LRRFIP1: variants seen among roughly 807,000 people sequenced by gnomAD.
LRRFIP1 encodes the protein LRR binding FLII interacting protein 1.
In LRRFIP1, 62 loss-of-function variants were observed where a neutral mutation model predicts 104.4. The observed-to-expected ratio is 0.59, with a 90% CI of 0.48 to 0.73. LRRFIP1 has a LOEUF of 0.73. Among genes scored for constraint, LRRFIP1 ranks in the 30% least tolerant of loss-of-function variants. LRRFIP1 has a pLI of 0.00. For missense variants in LRRFIP1, 796 were observed against 824.5 expected (o/e 0.97, Z 0.42); for synonymous variants, 300 against 299.0 (o/e 1.00, Z -0.03).
chr2:237,664,003 G>A (rs1164142448), intron 1 of LRRFIP1, among the ~76,000 whole-genome samples: 2 of 152,180 alleles, frequency 1.3e-5, no homozygotes, highest in Non-Finnish European at 2.9e-5. Flanking sequence ...AGCAGAGGAA[G>A]GGTCGCCCTC....
chr2:237,732,977 G>A (rs138694277), intron 8 of LRRFIP1, among the ~76,000 whole-genome samples: 3 of 152,242 alleles, frequency 2.0e-5, no homozygotes, highest in East Asian at 1.9e-4. Context: ...CAAGGAAGTC[G>A]GTGTCAGAGG....
chr2:237,662,101 G>C (rs2088109252), intron 1 of LRRFIP1, among the ~76,000 whole-genome samples: 1 of 152,186 alleles, frequency 6.6e-6, no homozygotes. Context: ...GCTCTGAGGG[G>C]AAGGTGTTCC....
intron 11 of LRRFIP1, 75 bp downstream of exon 11, chr2:237,739,384 G>T: frequency 7.8e-7 from 1 of 1,278,768 alleles, no homozygotes. Flanking sequence ...CTCTTCCAAC[G>T]TCTCCAAATT....
intron 19 of LRRFIP1, chr2:237,764,039 G>A (rs771277045): frequency 6.2e-7 from 1 of 1,614,198 alleles, no homozygotes; most frequent in South Asian, 1.1e-5. Context: ...TGACTTGTCG[G>A]CACCAGGAAG....
intron 1 of LRRFIP1, among the ~76,000 whole-genome samples, chr2:237,701,647 C>T (rs538349008): frequency 1.2e-4 from 19 of 152,084 alleles, no homozygotes; most frequent in East Asian, 7.7e-4. Context: ...GGGCTCTGAG[C>T]GGGAGGCCCA....
rs1268137933 is a variant in LRRFIP1, at chr2:237,753,446, T to C, written c.1005T>C (p.Ala335=). 1 of 1,596,346 alleles carries C rather than the reference T, an allele frequency of 6.3e-7. No homozygotes were observed. Among genetic ancestry groups the C allele is most frequent in the Non-Finnish European group, 8.5e-7 (1 of 1,176,090 alleles). ...DMLLELEEQL[A]ESRRQYEEKN... ...TGCTGGAGCTTGAAGAACAGCTGGC[T>C]GAATCTAGGCGGCAGTACGAAGAGA... The change falls in exon 15 of 24, where the codon GCT becomes GCC. Residue 335 remains alanine (A), a synonymous_variant. Coordinates refer to ENST00000308482, the MANE Select transcript of LRRFIP1 (RefSeq NM_001137550.2).
intron 1 of LRRFIP1, among the ~76,000 whole-genome samples, chr2:237,650,554 T>C (rs1015107137): frequency 6.6e-6 from 1 of 152,200 alleles, no homozygotes; most frequent in Admixed American, 6.5e-5. Flanking sequence ...CCCTTCACAC[T>C]GACTCCTGTG....
chr2:237,651,325 A>T (rs1203580625), intron 1 of LRRFIP1, among the ~76,000 whole-genome samples: 2 of 152,186 alleles, frequency 1.3e-5, no homozygotes, highest in African/African-American at 4.8e-5. Flanking sequence ...CTGTGTTCTC[A>T]CACAACCACA....
At chr2:237,770,122 G>T (rs1184215939) in intron 20 of LRRFIP1, 130 bp downstream of exon 20, 8 of 699,912 alleles carry the variant, frequency 1.1e-5, no homozygotes, top group Non-Finnish European at 2.0e-5. Flanking sequence ...AAGCCAACTG[G>T]TGTTCTTAAG....
At chr2:237,698,929 A>G (rs2093353299) in intron 1 of LRRFIP1, among the ~76,000 whole-genome samples, 1 of 152,242 alleles carries the variant, frequency 6.6e-6, no homozygotes, top group Non-Finnish European at 1.5e-5. Context: ...CAGCGCACAT[A>G]ATTTCGAGTC....
chr2:237,762,694 A>G lies in LRRFIP1; in HGVS notation c.1459+2489A>G, dbSNP rs200789964. 8.1e-6 allele frequency: 13 copies of G among 1,614,256 alleles called. No homozygotes were observed. The East Asian group carries it at 2.2e-4, about 28-fold the overall frequency. On this transcript the variant is annotated intron_variant, in intron 19 of 23. Transcript: ENST00000308482. Reference sequence around the variant, plus strand: ...ACAATACTGAGAAAGAACAACACACAGAGGACACAGTGAAGGACTGTGTGG... The same window carrying G: ...ACAATACTGAGAAAGAACAACACACGGAGGACACAGTGAAGGACTGTGTGG...
chr2:237,761,485 A>G (rs569444214), intron 19 of LRRFIP1, among the ~76,000 whole-genome samples: 1 of 152,264 alleles, frequency 6.6e-6, no homozygotes, highest in Non-Finnish European at 1.5e-5. Context: ...TCAAATACAC[A>G]TTTTATAAAT....
intron 1 of LRRFIP1, among the ~76,000 whole-genome samples, chr2:237,693,773 G>C (rs2092976659): frequency 6.6e-6 from 1 of 152,174 alleles, no homozygotes; most frequent in Non-Finnish European, 1.5e-5. Flanking sequence ...GAAGGGAAGA[G>C]TAAACATTGA....
intron 11 of LRRFIP1, among the ~76,000 whole-genome samples, chr2:237,745,500 T>C (rs377158542): frequency 6.6e-6 from 1 of 152,104 alleles, no homozygotes; most frequent in African/African-American, 2.4e-5. Context: ...TTTTTGGGGT[T>C]TTTTCCCTTA....
At chr2:237,765,228 A>G (rs2060179610) in intron 19 of LRRFIP1, 1 of 157,766 alleles carries the variant, frequency 6.3e-6, no homozygotes, top group African/African-American at 2.4e-5. Flanking sequence ...AAGCCATTGT[A>G]CTCCAGCCTG....
chr2:237,760,189 A>G lies in LRRFIP1; in HGVS notation c.1443A>G (p.Thr481=). 2 of 1,614,182 alleles carry G rather than the reference A, an allele frequency of 1.2e-6. No individual in the cohort carries two copies. Among genetic ancestry groups the G allele is most frequent in the South Asian group, 2.2e-5 (2 of 91,086 alleles). The change falls in exon 19 of 24, where the codon ACA becomes ACG. Residue 481 remains threonine, a synonymous_variant. Coordinates refer to ENST00000308482, the MANE Select transcript of LRRFIP1 (RefSeq NM_001137550.2). ...TKEELNALKS[T]GDGTLDIRLK... is the part of the protein sequence containing the mutation. Reference sequence around the variant, plus strand: ...AAGAGTTAAATGCCCTCAAGTCGACAGGGGATGGGACCCTAGGTAAGTATT... The same window carrying G: ...AAGAGTTAAATGCCCTCAAGTCGACGGGGGATGGGACCCTAGGTAAGTATT...
chr2:237,774,475 G>C lies in LRRFIP1; in HGVS notation c.1812+13G>C. 6.4e-7 allele frequency: 1 copy of C among 1,565,050 alleles called. No homozygotes were observed. ...ACTCCAAAGAGAGGTAAATTTCCTA[G>C]GCAATTTCTAGGAAGAGAATGGCTG... On this transcript the variant is annotated intron_variant, in intron 23 of 23. Coordinates refer to ENST00000308482, the MANE Select transcript of LRRFIP1 (RefSeq NM_001137550.2).
chr2:237,738,819 A>G (rs1197549416), intron 10 of LRRFIP1, among the ~76,000 whole-genome samples: 2 of 152,176 alleles, frequency 1.3e-5, no homozygotes, highest in African/African-American at 2.4e-5. Context: ...GAGAAGCAAA[A>G]TTTTTGTTCC....
chr2:237,724,295 C>T (rs76072110), intron 7 of LRRFIP1, among the ~76,000 whole-genome samples: 2,013 of 152,310 alleles, frequency 0.013, 26 homozygotes, highest in African/African-American at 0.044. Context: ...ACTATTTCAC[C>T]TGAAGGACTT....
Sources: gnomAD v4.1 joint callset for allele counts (sites outside exome capture counted in the v4.1 genomes callset) on GRCh38, gnomAD v4.1.1 for gene constraint, MANE v1.5 for transcripts, NCBI Gene and HGNC (gene_info 2026-07-23, HGNC 2026-07-21) for gene names.